Variants in VPS13B observed in about 807,000 individuals in gnomAD.
VPS13B encodes the protein intermembrane lipid transfer protein VPS13B.
VPS13B carries 285 observed loss-of-function variants against 426.4 expected under a neutral mutation model. The observed-to-expected ratio is 0.67, with a 90% CI of 0.61 to 0.74. The LOEUF (loss-of-function observed/expected upper bound fraction) is 0.74. VPS13B is among the 30% of genes least tolerant of loss of function. VPS13B has a pLI of 0.00. For synonymous variants in VPS13B, 1,676 were observed against 1,676.4 expected (o/e 1.00, Z 0.01); for missense variants, 4,537 against 4,782.6 (o/e 0.95, Z 1.51).
intron 30 of VPS13B, among the ~76,000 whole-genome samples, chr8:99,541,401 A>G (rs1218009075): frequency 6.6e-6 from 1 of 152,034 alleles, no homozygotes; most frequent in Non-Finnish European, 1.5e-5. Context: ...TTACATAGGT[A>G]TACATGTGCC....
chr8:99,414,262 A>G (rs113809068), intron 21 of VPS13B, among the ~76,000 whole-genome samples: 192 of 122,538 alleles, frequency 1.6e-3, no homozygotes, highest in African/African-American at 5.6e-3. Flanking sequence ...TTTGCTTTCC[A>G]TTTGCTTGGT....
At chr8:99,640,236 G>T (rs191986786) in intron 33 of VPS13B, among the ~76,000 whole-genome samples, 1 of 151,522 alleles carries the variant, frequency 6.6e-6, no homozygotes, top group South Asian at 2.1e-4. Flanking sequence ...AAACTTTTTC[G>T]TACCATTTGC....
At chr8:99,222,242 A>G (rs992054791) in intron 17 of VPS13B, among the ~76,000 whole-genome samples, 8 of 152,208 alleles carry the variant, frequency 5.3e-5, no homozygotes, top group African/African-American at 1.9e-4. Context: ...CTAATCCACT[A>G]GCATAGTCAG....
At position 99,032,405 on chromosome 8, in the gene VPS13B, CTCA is replaced by C. The variant is rs1306542123; in HGVS notation, c.148-6016_148-6014del. 2.2e-4 allele frequency among the ~76,000 whole-genome samples: 34 copies of C among 151,834 alleles called. 1 individual carries two copies. The highest frequency in any genetic ancestry group is 6.3e-4 in the African/African-American group (26 of 41,436). On this transcript the variant is annotated intron_variant, in intron 2 of 61. Transcript: ENST00000357162. ...CATTTTGCTATTATTTTCTGTGTGC[CTCA>C]TGTCTTTTTTGTTCCTCTGATATTT...
intron 43 of VPS13B, among the ~76,000 whole-genome samples, chr8:99,793,254 C>CATAG (rs1554959571): frequency 1.0e-4 from 11 of 107,032 alleles, no homozygotes; most frequent in Non-Finnish European, 1.9e-5. Context: ...TTGCCCTCTC[C>CATAG]ATATATATAT....
At chr8:99,188,786 T>C (rs188480320) in intron 16 of VPS13B, among the ~76,000 whole-genome samples, 235 of 152,336 alleles carry the variant, frequency 1.5e-3, no homozygotes, top group African/African-American at 5.2e-3. Flanking sequence ...AAGTGGTATC[T>C]TGTGGTTTTG....
At chr8:99,767,036 T>C in intron 40 of VPS13B, 66 bp downstream of exon 40, 16 of 1,493,414 alleles carry the variant, frequency 1.1e-5, no homozygotes, top group Non-Finnish European at 1.5e-5. Context: ...TCTTTTCCTA[T>C]CTAGTGACCC....
intron 16 of VPS13B, among the ~76,000 whole-genome samples, chr8:99,186,968 G>A (rs1172503784): frequency 2.0e-5 from 3 of 151,864 alleles, no homozygotes; most frequent in Non-Finnish European, 2.9e-5. Flanking sequence ...TACCATATAC[G>A]GTAGCTGAAT....
chr8:99,650,136 T>C (rs2133945250), intron 34 of VPS13B, among the ~76,000 whole-genome samples: 1 of 152,336 alleles, frequency 6.6e-6, no homozygotes, highest in East Asian at 1.9e-4. Context: ...GACTTGGTTT[T>C]CTGGGAAACT....
At chr8:99,231,460 G>A (rs2132856944) in intron 17 of VPS13B, among the ~76,000 whole-genome samples, 2 of 152,138 alleles carry the variant, frequency 1.3e-5, no homozygotes, top group Admixed American at 1.3e-4. Flanking sequence ...AAAATTCACG[G>A]CATCTCCAAT....
chr8:99,384,973 C>A lies in VPS13B; in HGVS notation c.2934+656C>A, dbSNP rs116855891. ...GGATTGCAGGTATGAGCCACAGCGT[C>A]TGACCAGCTTTTATTTTTATCTCTA... On this transcript the variant is annotated intron_variant, in intron 20 of 61. Transcript: ENST00000357162. Among the ~76,000 whole-genome samples the A allele has an allele frequency of 3.5e-4, 54 of 152,306 alleles. No homozygotes were observed. The East Asian group carries it at 0.01, about 29-fold the overall frequency.
rs527438177 is a variant in VPS13B, at chr8:99,055,320, G to A, written c.291+16754G>A. ...CTCCCAAAGTGCTGTGATTACAGGC[G>A]TGAGCCACCATGCCTGGCCCTATTT... On this transcript the variant is annotated intron_variant, in intron 3 of 61. Transcript: ENST00000357162. Among the ~76,000 whole-genome samples, 9 of 152,206 alleles carry A rather than the reference G, an allele frequency of 5.9e-5. No homozygotes were observed. The South Asian group carries it at 6.2e-4, about 11-fold the overall frequency.
chr8:99,163,025 C>T (rs1335149528), intron 15 of VPS13B, among the ~76,000 whole-genome samples: 3 of 152,160 alleles, frequency 2.0e-5, no homozygotes, highest in Non-Finnish European at 4.4e-5. Context: ...TTCTCCAAGG[C>T]CCCACCAGAG....
At chr8:99,147,054 G>A (rs1341602734) in intron 13 of VPS13B, among the ~76,000 whole-genome samples, 8 of 152,068 alleles carry the variant, frequency 5.3e-5, no homozygotes, top group Non-Finnish European at 1.0e-4. Flanking sequence ...CACCATTATA[G>A]TGTGTAATTT....
chr8:99,665,235 T>C (rs1830435669), intron 35 of VPS13B, among the ~76,000 whole-genome samples: 1 of 152,142 alleles, frequency 6.6e-6, no homozygotes, highest in African/African-American at 2.4e-5. Context: ...GTCAGATGAG[T>C]AGGTTGCAAA....
intron 19 of VPS13B, among the ~76,000 whole-genome samples, chr8:99,372,195 T>C (rs1470277202): frequency 6.8e-6 from 1 of 147,610 alleles, no homozygotes; most frequent in Non-Finnish European, 1.5e-5. Flanking sequence ...GAGCCTGCAG[T>C]GAGCCGAGAT....
chr8:99,601,527 G>C (rs1030964134), intron 33 of VPS13B, among the ~76,000 whole-genome samples: 4 of 152,186 alleles, frequency 2.6e-5, no homozygotes, highest in African/African-American at 9.7e-5. Context: ...TAATGGGATT[G>C]CTGGGTCAAA....
chr8:99,244,638 C>T (rs1294555285), intron 17 of VPS13B, among the ~76,000 whole-genome samples: 1 of 152,158 alleles, frequency 6.6e-6, no homozygotes, highest in Non-Finnish European at 1.5e-5. Context: ...TGAAAGATAT[C>T]TGAATCTATC....
intron 21 of VPS13B, among the ~76,000 whole-genome samples, chr8:99,405,671 T>C (rs912523054): frequency 6.6e-6 from 1 of 152,180 alleles, no homozygotes; most frequent in African/African-American, 2.4e-5. Context: ...TACCATGCTC[T>C]ACACAGTTGA....
Sources: allele counts gnomAD v4.1 joint callset (sites outside exome capture counted in the v4.1 genomes callset), GRCh38; gene constraint gnomAD v4.1.1; transcripts MANE v1.5; gene names NCBI Gene and HGNC (gene_info 2026-07-23, HGNC 2026-07-21).